The following SAMMSON variants were observed in gnomAD, a reference collection of about 807,000 sequenced individuals.
SAMMSON encodes long intergenic non-protein coding RNA 1212.
At chr3:70,421,477 C>T (rs980223564) in intron 2 of SAMMSON, among the ~76,000 whole-genome samples, 1 of 152,028 alleles carries the variant, frequency 6.6e-6, no homozygotes, top group African/African-American at 2.4e-5. Flanking sequence ...AATGTTCATC[C>T]ATGCAGGCTT....
chr3:70,087,779 C>G (rs1474941661), intron 4 of SAMMSON, among the ~76,000 whole-genome samples: 3 of 152,188 alleles, frequency 2.0e-5, no homozygotes, highest in African/African-American at 7.2e-5. Flanking sequence ...CAGAACTTCA[C>G]TGTCTATAGC....
intron 4 of SAMMSON, among the ~76,000 whole-genome samples, chr3:70,235,686 T>C (rs1280945286): frequency 1.3e-5 from 2 of 152,210 alleles, no homozygotes; most frequent in Non-Finnish European, 2.9e-5. Flanking sequence ...GTCTGCACAA[T>C]GTGTAAGGGT....
intron 4 of SAMMSON, among the ~76,000 whole-genome samples, chr3:70,243,508 C>T (rs541455979): frequency 1.3e-5 from 2 of 152,218 alleles, no homozygotes; most frequent in East Asian, 1.9e-4. Context: ...CGTTTTTTGG[C>T]TTTAAGTGTA....
chr3:70,402,369 A>G (rs1701147319), intron 2 of SAMMSON, among the ~76,000 whole-genome samples: 1 of 152,196 alleles, frequency 6.6e-6, no homozygotes, highest in South Asian at 2.1e-4. Flanking sequence ...TGCCTACAAT[A>G]TGCATGCACA....
Position 70,225,556 on chromosome 3 carries a change from G to C in SAMMSON, n.508-23551G>C, listed in dbSNP as rs1019675905. Among the ~76,000 whole-genome samples the C allele has an allele frequency of 3.9e-5, 6 of 152,148 alleles. No individual in the cohort carries two copies. The East Asian group carries it at 1.2e-3, about 29-fold the overall frequency. On this transcript the variant is annotated intron_variant and non_coding_transcript_variant, in intron 4 of 9. Transcript: ENST00000642114. Reference sequence around the variant, plus strand: ...GGTGTGTCAAGAGTCAGTGTATACTGTTTATATTCTCCCTGCTTCAAAATC... The same window carrying C: ...GGTGTGTCAAGAGTCAGTGTATACTCTTTATATTCTCCCTGCTTCAAAATC...
intron 2 of SAMMSON, among the ~76,000 whole-genome samples, chr3:70,411,380 A>G (rs1701216823): frequency 6.6e-6 from 1 of 152,226 alleles, no homozygotes; most frequent in Admixed American, 6.5e-5. Flanking sequence ...TGAACATTTC[A>G]GTACAGAACT....
chr3:70,305,076 C>T (rs1702386834), intron 7 of SAMMSON, among the ~76,000 whole-genome samples: 1 of 152,098 alleles, frequency 6.6e-6, no homozygotes, highest in African/African-American at 2.4e-5. Context: ...CTTCCTTGAC[C>T]ACTGATTCTA....
At chr3:70,220,265 A>T (rs1701449940) in intron 4 of SAMMSON, among the ~76,000 whole-genome samples, 1 of 152,078 alleles carries the variant, frequency 6.6e-6, no homozygotes, top group Non-Finnish European at 1.5e-5. Context: ...AATATGCCGC[A>T]TTAAAAAAAC....
At chr3:70,103,317 G>A (rs541837070) in intron 4 of SAMMSON, among the ~76,000 whole-genome samples, 7 of 152,276 alleles carry the variant, frequency 4.6e-5, no homozygotes, top group Non-Finnish European at 7.4e-5. Flanking sequence ...ATGTGAATGT[G>A]GAGACCAGAT....
chr3:70,132,739 C>T (rs1044730312), intron 4 of SAMMSON, among the ~76,000 whole-genome samples: 5 of 141,928 alleles, frequency 3.5e-5, no homozygotes, highest in Non-Finnish European at 6.0e-5. Context: ...CTCAGGAGTT[C>T]GAGATCAGCC....
chr3:70,196,645 A>G (rs964941135), intron 4 of SAMMSON, among the ~76,000 whole-genome samples: 4 of 152,230 alleles, frequency 2.6e-5, no homozygotes, highest in Non-Finnish European at 5.9e-5. Flanking sequence ...TTTATAGTCA[A>G]GAAACATCTT....
chr3:70,216,519 T>C (rs576918982), intron 4 of SAMMSON, among the ~76,000 whole-genome samples: 1 of 152,080 alleles, frequency 6.6e-6, no homozygotes, highest in Non-Finnish European at 1.5e-5. Flanking sequence ...TAGTAAGTGA[T>C]GGAGCTAGAA....
chr3:70,390,821 C>T (rs899722140), downstream of SAMMSON, among the ~76,000 whole-genome samples: 1 of 152,008 alleles, frequency 6.6e-6, no homozygotes, highest in Admixed American at 6.6e-5. Flanking sequence ...AAAAATAAAT[C>T]TTTAGTCTTG....
At chr3:70,001,266 T>A (rs2066904658) in intron 1 of SAMMSON, among the ~76,000 whole-genome samples, 1 of 152,178 alleles carries the variant, frequency 6.6e-6, no homozygotes, top group Admixed American at 6.5e-5. Context: ...AGTCTGTCTC[T>A]AGTATCCCTC....
At position 70,382,427 on chromosome 3, in the gene SAMMSON, G is replaced by T. The variant is rs973840292; in HGVS notation, n.914-7147G>T. 1.8e-4 allele frequency among the ~76,000 whole-genome samples: 28 copies of T among 152,208 alleles called. No homozygotes were observed. The East Asian group carries it at 5.2e-3, about 28-fold the overall frequency. The stretch of plus-strand genomic sequence containing the variant: ...ATGGGAGCAATTTTGCCTCTTAGGG[G>T]ATATTTTGCAATATCTGGAGATATT... On this transcript the variant is annotated intron_variant and non_coding_transcript_variant, in intron 9 of 9. Transcript: ENST00000642114.
At chr3:70,330,947 G>C (rs1355032272) in intron 7 of SAMMSON, among the ~76,000 whole-genome samples, 4 of 151,982 alleles carry the variant, frequency 2.6e-5, no homozygotes, top group Non-Finnish European at 5.9e-5. Context: ...AAAGGAGAAG[G>C]CAATTACTTT....
chr3:70,224,308 A>C (rs568885217), intron 4 of SAMMSON, among the ~76,000 whole-genome samples: 1 of 152,302 alleles, frequency 6.6e-6, no homozygotes, highest in Non-Finnish European at 1.5e-5. Context: ...ATGGTGGATA[A>C]ATCCAATACA....
intron 4 of SAMMSON, among the ~76,000 whole-genome samples, chr3:70,157,302 T>A (rs1402358552): frequency 6.6e-6 from 1 of 152,082 alleles, no homozygotes; most frequent in Non-Finnish European, 1.5e-5. Context: ...AAGAAGGATT[T>A]AAAAGTTACA....
chr3:70,071,923 T>C (rs2067231582), intron 4 of SAMMSON: 1 of 152,028 alleles, frequency 6.6e-6, no homozygotes, highest in South Asian at 2.1e-4. Flanking sequence ...GTGGCTTTTT[T>C]TTTCCTTCTT....
Sources: allele counts gnomAD v4.1 joint callset (sites outside exome capture counted in the v4.1 genomes callset), GRCh38; gene constraint gnomAD v4.1.1; transcripts MANE v1.5; gene names NCBI Gene and HGNC (gene_info 2026-07-23, HGNC 2026-07-21).